The following THADA variants were observed in gnomAD, a reference collection of about 807,000 sequenced individuals.
The protein encoded by THADA is tRNA (32-2'-O)-methyltransferase regulator THADA.
In THADA, 213 loss-of-function variants were observed where a neutral mutation model predicts 219.8. The observed-to-expected ratio is 0.97, with a 90% CI of 0.87 to 1.09. The LOEUF is 1.09. Among genes scored for constraint, THADA ranks in the 50% least tolerant of loss-of-function variants. The pLI is 0.00. For synonymous variants in THADA, 1,018 were observed against 828.9 expected (o/e 1.23, Z -3.92); for missense variants, 2,956 against 2,311.3 (o/e 1.28, Z -5.72).
intron 35 of THADA, among the ~76,000 whole-genome samples, chr2:43,280,993 G>A (rs1397710406): frequency 6.6e-6 from 1 of 152,226 alleles, no homozygotes; most frequent in Admixed American, 6.5e-5. Context: ...CCAGAAAGGG[G>A]TACCTCTAGT....
intron 15 of THADA, chr2:43,563,215 G>A (rs1698286573): frequency 6.6e-6 from 1 of 152,142 alleles, no homozygotes; most frequent in South Asian, 2.1e-4. Context: ...CACAGCTTTT[G>A]CTGCAATGCA....
intron 26 of THADA, among the ~76,000 whole-genome samples, chr2:43,476,534 G>A (rs145604167): frequency 0.015 from 2,226 of 152,244 alleles, 17 homozygotes; most frequent in Non-Finnish European, 0.023. Flanking sequence ...ACTGTTATTC[G>A]CAGCCAAAAG....
chr2:43,324,951 AAGG>A (rs1320827268), intron 30 of THADA, among the ~76,000 whole-genome samples: 1 of 152,200 alleles, frequency 6.6e-6, no homozygotes, highest in African/African-American at 2.4e-5. Flanking sequence ...GTGGCTTTCG[AAGG>A]AGGAGAAGGA....
rs182769931 is a variant in THADA at position 43,295,443 on chromosome 2, G to A, written c.4439-2230C>T. Among the ~76,000 whole-genome samples the A allele has an allele frequency of 6.8e-4, 104 of 152,262 alleles. 1 individual carries two copies. Among genetic ancestry groups the A allele is most frequent in the South Asian group, 5.8e-3 (28 of 4,828 alleles). On this transcript the variant is annotated intron_variant, in intron 31 of 37. Coordinates refer to ENST00000405975, the MANE Select transcript of THADA (RefSeq NM_022065.5). ...TGAATCCTCTTAATTGTATCATTCT[G>A]TCCATGAAGTTTTATCTACAAGAAC...
intron 26 of THADA, chr2:43,462,925 G>C (rs1219425393): frequency 6.6e-6 from 1 of 152,192 alleles, no homozygotes; most frequent in Non-Finnish European, 1.5e-5. Context: ...TAGGGAAGAA[G>C]CAAATGAGAA....
chr2:43,433,347 C>T (rs147058129), intron 26 of THADA, among the ~76,000 whole-genome samples: 2,173 of 151,998 alleles, frequency 0.014, 16 homozygotes, highest in Non-Finnish European at 0.023. Flanking sequence ...TTGACCAACA[C>T]GGAGAAACTG....
intron 36 of THADA, among the ~76,000 whole-genome samples, chr2:43,253,383 C>G (rs1043884555): frequency 1.3e-5 from 2 of 152,114 alleles, no homozygotes; most frequent in African/African-American, 2.4e-5. Context: ...CACTTGGGCC[C>G]TTTGCCTACC....
At chr2:43,342,728 G>T (rs193243554) in intron 30 of THADA, among the ~76,000 whole-genome samples, 47 of 152,236 alleles carry the variant, frequency 3.1e-4, no homozygotes, top group African/African-American at 1.1e-3. Flanking sequence ...ATTTATACAC[G>T]TCTTTCTCAC....
chr2:43,505,329 AAAG>A (rs558986640), intron 24 of THADA, among the ~76,000 whole-genome samples: 193 of 152,340 alleles, frequency 1.3e-3, no homozygotes, highest in African/African-American at 4.3e-3. Flanking sequence ...GACAAAAAAA[AAAG>A]AAGGAGAGAA....
chr2:43,527,242 T>C (rs1048721387), intron 22 of THADA, among the ~76,000 whole-genome samples: 2 of 152,232 alleles, frequency 1.3e-5, no homozygotes, highest in Admixed American at 1.3e-4. Flanking sequence ...ACCTTTTATT[T>C]AGAGAACACT....
intron 36 of THADA, among the ~76,000 whole-genome samples, chr2:43,272,621 T>C (rs1020399641): frequency 6.9e-6 from 1 of 143,950 alleles, no homozygotes; most frequent in African/African-American, 2.6e-5. Context: ...TTTGGTTTTG[T>C]GCTTTTTTTT....
chr2:43,320,627 G>A, intron 30 of THADA, 87 bp from the exon 31 acceptor site: 2 of 866,866 alleles, frequency 2.3e-6, no homozygotes, highest in Non-Finnish European at 3.6e-6. Context: ...TATTTTCTAT[G>A]GTATATGATG....
intron 22 of THADA, among the ~76,000 whole-genome samples, chr2:43,510,282 G>T (rs1009820197): frequency 6.6e-6 from 1 of 152,162 alleles, no homozygotes; most frequent in African/African-American, 2.4e-5. Flanking sequence ...AAGCAGTTGT[G>T]ACTCAACTTT....
intron 28 of THADA, among the ~76,000 whole-genome samples, chr2:43,419,972 C>T (rs1480666586): frequency 6.6e-6 from 1 of 152,190 alleles, no homozygotes; most frequent in African/African-American, 2.4e-5. Flanking sequence ...TTTCCTGGGT[C>T]GCCCTTGGTT....
Position 43,414,128 on chromosome 2 carries a change from T to G in THADA, c.4058+13972A>C, listed in dbSNP as rs565913985. 3.3e-5 allele frequency among the ~76,000 whole-genome samples: 5 copies of G among 152,386 alleles called. No individual in the cohort carries two copies. The East Asian group carries it at 7.7e-4, about 23-fold the overall frequency. On this transcript the variant is annotated intron_variant, in intron 28 of 37. Coordinates refer to ENST00000405975, the MANE Select transcript of THADA (RefSeq NM_022065.5). ...ACTTTTTCTCCAAATGTTTTTGATC[T>G]ACAGTTGGTTGAATCCATAAATGAT...
At chr2:43,243,482 C>T (rs1327510965) in intron 36 of THADA, among the ~76,000 whole-genome samples, 1 of 152,172 alleles carries the variant, frequency 6.6e-6, no homozygotes, top group African/African-American at 2.4e-5. Context: ...CAACCGCAAA[C>T]AGTCCCTTCG....
intron 30 of THADA, among the ~76,000 whole-genome samples, chr2:43,327,532 A>G (rs1488008277): frequency 3.3e-5 from 5 of 152,128 alleles, no homozygotes; most frequent in Admixed American, 2.6e-4. Context: ...AGGGGAAATT[A>G]GTCTACAACA....
At position 43,556,428 on chromosome 2, in the gene THADA, G is replaced by A. The variant is rs1697354045; in HGVS notation, c.2591C>T (p.Ser864Phe). The A allele has an allele frequency of 1.2e-6, 2 of 1,613,832 alleles. No homozygotes were observed. Among genetic ancestry groups the A allele is most frequent in the Admixed American group, 3.3e-5 (2 of 60,010 alleles). ...FLIWQDALPS[S>F]LSAYLTQQVA... is the part of the protein sequence containing the mutation. Reference sequence around the variant, plus strand: ...TTGCTGAGTTAAGTAGGCAGACAAGGATGACGGTAGAGCATCCTGCCAGAT... The same window carrying A: ...TTGCTGAGTTAAGTAGGCAGACAAGAATGACGGTAGAGCATCCTGCCAGAT... Residue 864 changes from serine to phenylalanine, a missense_variant, in exon 17 of 38, where the codon TCC becomes TTC. By Grantham distance (155) the Ser-to-Phe change is radical (BLOSUM62 -2). Coordinates refer to ENST00000405975, the MANE Select transcript of THADA (RefSeq NM_022065.5).
intron 26 of THADA, among the ~76,000 whole-genome samples, chr2:43,473,629 GA>G (rs1685177160): frequency 6.9e-6 from 1 of 145,022 alleles, no homozygotes; most frequent in Admixed American, 6.9e-5. Context: ...TTTTTTTTTT[GA>G]GACAGAGTCT....
Sources: gnomAD v4.1 joint callset for allele counts (sites outside exome capture counted in the v4.1 genomes callset) on GRCh38, gnomAD v4.1.1 for gene constraint, MANE v1.5 for transcripts, NCBI Gene and HGNC (gene_info 2026-07-23, HGNC 2026-07-21) for gene names.